Variants in SPAG16 observed in about 807,000 individuals in gnomAD.
SPAG16 encodes sperm associated antigen 16.
In SPAG16, 86 loss-of-function variants were observed where a neutral mutation model predicts 80.4. That is an observed-to-expected ratio of 1.07 (90% CI 0.90 to 1.28). The LOEUF (loss-of-function observed/expected upper bound fraction) is 1.28. Among genes scored for constraint, SPAG16 ranks in the 50% most tolerant of loss-of-function variants. The pLI is 0.00. For missense variants in SPAG16, 870 were observed against 765.3 expected (o/e 1.14, Z -1.61); for synonymous variants, 294 against 265.9 (o/e 1.11, Z -1.03).
At chr2:213,744,483 A>G (rs1452639747) in intron 10 of SPAG16, among the ~76,000 whole-genome samples, 3 of 152,000 alleles carry the variant, frequency 2.0e-5, no homozygotes, top group African/African-American at 7.2e-5. Flanking sequence ...TTTTTTTGTC[A>G]GGTCTTTAGT....
At chr2:213,816,799 T>A (rs2072568477) in intron 10 of SPAG16, among the ~76,000 whole-genome samples, 1 of 152,098 alleles carries the variant, frequency 6.6e-6, no homozygotes, top group African/African-American at 2.4e-5. Flanking sequence ...TAATTTCATA[T>A]TTTATTCCCC....
chr2:213,775,945 C>T (rs1356739245), intron 10 of SPAG16, among the ~76,000 whole-genome samples: 5 of 152,196 alleles, frequency 3.3e-5, no homozygotes, highest in Admixed American at 2.6e-4. Context: ...AATAAATTAG[C>T]TCCAAATAGC....
intron 8 of SPAG16, among the ~76,000 whole-genome samples, chr2:213,371,384 A>G (rs1024495695): frequency 7.8e-5 from 11 of 141,560 alleles, no homozygotes; most frequent in Non-Finnish European, 1.7e-4. Flanking sequence ...GCAACACAGC[A>G]AGACCGTGTC....
At chr2:213,934,151 T>C (rs903259831) in intron 12 of SPAG16, among the ~76,000 whole-genome samples, 1 of 152,184 alleles carries the variant, frequency 6.6e-6, no homozygotes, top group Admixed American at 6.5e-5. Context: ...CATGGTCCAA[T>C]CAAGGAACTT....
intron 10 of SPAG16, among the ~76,000 whole-genome samples, chr2:213,585,189 CAA>C (rs754596152): frequency 1.6e-4 from 14 of 88,328 alleles, no homozygotes; most frequent in Admixed American, 3.8e-4. Context: ...GACTCCATCT[CAA>C]AAAAAAAAAA....
intron 13 of SPAG16, among the ~76,000 whole-genome samples, chr2:214,089,137 G>T (rs1200342630): frequency 1.3e-5 from 2 of 151,984 alleles, no homozygotes; most frequent in East Asian, 3.9e-4. Context: ...TGGGACAGAG[G>T]TTGTTTTTTT....
intron 11 of SPAG16, among the ~76,000 whole-genome samples, chr2:213,874,157 G>C (rs1056050678): frequency 2.0e-5 from 3 of 152,118 alleles, no homozygotes; most frequent in African/African-American, 7.2e-5. Flanking sequence ...TGAGTGAGTG[G>C]TGAGTGAATG....
rs143412380 is a variant in SPAG16 at position 214,374,732 on chromosome 2, T to C, written c.1721-35408T>C. ...TTACTCAGCTAATCATTATATGAAA[T>C]AGAACATTAGATTTCTGCAACAAAG... On this transcript the variant is annotated intron_variant, in intron 15 of 15. Coordinates refer to ENST00000331683, the MANE Select transcript of SPAG16 (RefSeq NM_024532.5). 9.0e-3 allele frequency among the ~76,000 whole-genome samples: 1,367 copies of C among 152,264 alleles called. 24 individuals carry two copies. The highest frequency in any genetic ancestry group is 0.031 in the African/African-American group (1,277 of 41,558).
chr2:213,955,122 T>C (rs1390929777), intron 12 of SPAG16, among the ~76,000 whole-genome samples: 2 of 152,152 alleles, frequency 1.3e-5, no homozygotes, highest in African/African-American at 4.8e-5. Flanking sequence ...CTTTTTATGG[T>C]ATATTTTGCA....
At chr2:213,341,981 A>AT (rs2064708631) in intron 6 of SPAG16, among the ~76,000 whole-genome samples, 1 of 152,188 alleles carries the variant, frequency 6.6e-6, no homozygotes, top group African/African-American at 2.4e-5. Flanking sequence ...TTTAAAATAG[A>AT]TTAAACAGAG....
intron 10 of SPAG16, among the ~76,000 whole-genome samples, chr2:213,672,771 A>G (rs777512552): frequency 6.6e-6 from 1 of 151,984 alleles, no homozygotes; most frequent in East Asian, 1.9e-4. Flanking sequence ...GCTCTGCAAT[A>G]GGGATATTCC....
At chr2:213,473,627 A>G (rs746913054) in intron 9 of SPAG16, among the ~76,000 whole-genome samples, 2 of 152,184 alleles carry the variant, frequency 1.3e-5, no homozygotes, top group Non-Finnish European at 2.9e-5. Context: ...AACCAAGCAA[A>G]TAAACTACTA....
intron 9 of SPAG16, among the ~76,000 whole-genome samples, chr2:213,410,690 T>C (rs1048326666): frequency 6.6e-6 from 1 of 152,208 alleles, no homozygotes; most frequent in East Asian, 1.9e-4. Context: ...TTGGAATGGA[T>C]CAAATATTCC....
intron 12 of SPAG16, among the ~76,000 whole-genome samples, chr2:213,939,287 T>A (rs2079107930): frequency 6.6e-6 from 1 of 152,218 alleles, no homozygotes; most frequent in African/African-American, 2.4e-5. Context: ...AATGGAATGG[T>A]CCAGACCCTT....
At chr2:213,377,893 ATATATATATATTT>A (rs398042863) in intron 9 of SPAG16, among the ~76,000 whole-genome samples, 2,927 of 81,668 alleles carry the variant, frequency 0.036, 38 homozygotes, top group Middle Eastern at 0.092. Flanking sequence ...ATATATATAT[ATATATATATATTT>A]TTTTTTTTTT....
At chr2:213,862,151 C>T (rs1184658067) in intron 10 of SPAG16, among the ~76,000 whole-genome samples, 2 of 152,150 alleles carry the variant, frequency 1.3e-5, no homozygotes, top group East Asian at 1.9e-4. Flanking sequence ...CATAAAAATA[C>T]CATTGGCATA....
chr2:213,834,644 A>T (rs1413431136), intron 10 of SPAG16, among the ~76,000 whole-genome samples: 4 of 151,888 alleles, frequency 2.6e-5, no homozygotes, highest in African/African-American at 9.7e-5. Flanking sequence ...CCCTCAGGAG[A>T]GAGGAATTCT....
chr2:213,942,288 C>A (rs540413945), intron 12 of SPAG16, among the ~76,000 whole-genome samples: 1 of 152,316 alleles, frequency 6.6e-6, no homozygotes, highest in South Asian at 2.1e-4. Flanking sequence ...CCTCAACTCA[C>A]AAGTTGAATT....
chr2:214,137,001 G>T (rs992563066), intron 14 of SPAG16, among the ~76,000 whole-genome samples: 1 of 152,136 alleles, frequency 6.6e-6, no homozygotes, highest in South Asian at 2.1e-4. Flanking sequence ...TGCCCATTTT[G>T]CATAGCAGAA....
Sources: gnomAD v4.1 joint callset for allele counts (sites outside exome capture counted in the v4.1 genomes callset) on GRCh38, gnomAD v4.1.1 for gene constraint, MANE v1.5 for transcripts, NCBI Gene and HGNC (gene_info 2026-07-23, HGNC 2026-07-21) for gene names.